Variants in LRRC49 observed in about 807,000 individuals in gnomAD.
The protein encoded by LRRC49 is leucine-rich repeat-containing protein 49.
A neutral mutation model predicts 83.3 loss-of-function variants in LRRC49; 50 were observed. The ratio of observed to expected loss-of-function variants is 0.60; its 90% confidence interval spans 0.48 to 0.76. The LOEUF (loss-of-function observed/expected upper bound fraction) is 0.76, where lower values mean the gene tolerates loss of function less well. LRRC49 is among the 30% of genes least tolerant of loss of function. LRRC49 has a pLI of 0.00. For missense variants in LRRC49, 704 were observed against 809.1 expected, an observed-to-expected ratio of 0.87 and a Z score of 1.58; for synonymous variants, 286 against 283.3, an observed-to-expected ratio of 1.01 and a Z score of -0.10.
At chr15:71,011,187 C>T (rs1029303498) in intron 13 of LRRC49, among the ~76,000 whole-genome samples, 25 of 152,002 alleles carry the variant, frequency 1.6e-4, no homozygotes, top group African/African-American at 4.6e-4. Context: ...GTACTTCCCC[C>T]GAGGTGAGGT....
chr15:71,004,979 C>A (rs1250404903), intron 11 of LRRC49, among the ~76,000 whole-genome samples: 2 of 152,058 alleles, frequency 1.3e-5, no homozygotes, highest in Non-Finnish European at 2.9e-5. Flanking sequence ...GTAAAATAAA[C>A]CCCCATGACA....
intron 1 of LRRC49, among the ~76,000 whole-genome samples, chr15:70,867,086 G>C (rs11072232): frequency 0.55 from 81,848 of 149,854 alleles, 23,089 homozygotes; most frequent in Middle Eastern, 0.7. Context: ...GGCTATCAAG[G>C]TCCAAGCAGA....
intron 2 of LRRC49, among the ~76,000 whole-genome samples, chr15:70,875,955 T>C (rs1368707156): frequency 6.6e-6 from 1 of 151,150 alleles, no homozygotes; most frequent in Non-Finnish European, 1.5e-5. Flanking sequence ...TTCTTTTTTC[T>C]TTTTTTTTAG....
At chr15:70,942,902 G>A (rs373102777) in intron 8 of LRRC49, among the ~76,000 whole-genome samples, 1 of 152,134 alleles carries the variant, frequency 6.6e-6, no homozygotes, top group Non-Finnish European at 1.5e-5. Flanking sequence ...AAATATCTAC[G>A]TGATTGTATA....
intron 3 of LRRC49, among the ~76,000 whole-genome samples, chr15:70,896,418 C>G (rs1223931548): frequency 1.3e-5 from 2 of 152,126 alleles, no homozygotes; most frequent in Non-Finnish European, 2.9e-5. Flanking sequence ...ATTCTTAGTG[C>G]TCCCCCTCCA....
chr15:71,010,518 GA>G (rs1312568629), intron 13 of LRRC49, among the ~76,000 whole-genome samples: 3 of 151,822 alleles, frequency 2.0e-5, no homozygotes, highest in African/African-American at 7.2e-5. Context: ...TAAAATAAGA[GA>G]AAGTGAAAAT....
At chr15:70,978,382 A>G (rs1223666696) in intron 9 of LRRC49, among the ~76,000 whole-genome samples, 1 of 152,172 alleles carries the variant, frequency 6.6e-6, no homozygotes, top group Non-Finnish European at 1.5e-5. Flanking sequence ...TGTATCATAC[A>G]TTGTCTTTGA....
At chr15:70,885,117 C>T (rs1045344229) in intron 2 of LRRC49, among the ~76,000 whole-genome samples, 9 of 148,232 alleles carry the variant, frequency 6.1e-5, no homozygotes, top group Middle Eastern at 3.4e-3. Flanking sequence ...TGTAGATATC[C>T]GATTGCTTCT....
chr15:70,959,535 AGG>A (rs2036524187), intron 8 of LRRC49, among the ~76,000 whole-genome samples: 1 of 119,434 alleles, frequency 8.4e-6, no homozygotes, highest in African/African-American at 3.1e-5. Context: ...GGAGGAAAGG[AGG>A]GAAGGAAGGA....
intron 8 of LRRC49, among the ~76,000 whole-genome samples, chr15:70,938,153 G>C (rs1440794992): frequency 2.0e-5 from 3 of 151,922 alleles, no homozygotes; most frequent in African/African-American, 4.8e-5. Context: ...GGTTATATAG[G>C]GGTTATGATG....
At chr15:71,002,483 G>A (rs1251669870) in intron 11 of LRRC49, among the ~76,000 whole-genome samples, 1 of 151,794 alleles carries the variant, frequency 6.6e-6, no homozygotes, top group African/African-American at 2.4e-5. Context: ...TCTTTTCTCT[G>A]GCAGAAATTG....
Position 70,892,830 on chromosome 15 carries a change from T to A in LRRC49, c.-65T>A. ...GGGAGATGACCTCTTTCGGGTCTCT[T>A]TGAATCTCCGCTGTAGCGTCACCTG... On this transcript the variant is annotated 5_prime_UTR_variant, in exon 1 of 16. In the 5' UTR this introduces an upstream ATG that the reference lacks. Coordinates refer to ENST00000260382, the MANE Select transcript of LRRC49 (RefSeq NM_017691.5). The A allele has an allele frequency of 6.2e-7, 1 of 1,614,104 alleles. No homozygotes were observed. The highest frequency in any genetic ancestry group is 1.7e-5 in the Admixed American group (1 of 60,018).
At chr15:70,856,112 C>T (rs537893544) in intron 1 of LRRC49, among the ~76,000 whole-genome samples, 89 of 152,248 alleles carry the variant, frequency 5.8e-4, no homozygotes, top group Non-Finnish European at 1.2e-3. Flanking sequence ...CATGTCTTTT[C>T]AGGGTTTCCA....
chr15:71,014,789 G>A (rs1460680162), intron 14 of LRRC49, among the ~76,000 whole-genome samples: 1 of 152,088 alleles, frequency 6.6e-6, no homozygotes, highest in Non-Finnish European at 1.5e-5. Flanking sequence ...TATTATAATA[G>A]TCATTAATAT....
At chr15:71,047,451 G>A (rs900123329) in intron 15 of LRRC49, among the ~76,000 whole-genome samples, 10 of 152,144 alleles carry the variant, frequency 6.6e-5, no homozygotes, top group African/African-American at 2.4e-4. Context: ...GCTATTGTAA[G>A]TGGGATTGTG....
chr15:70,879,847 A>G lies in LRRC49; in HGVS notation c.18+6624A>G, dbSNP rs148479573. On this transcript the variant is annotated intron_variant, in intron 2 of 16. Transcript: ENST00000544974. ...TCTCTCTTCTCTCACCTAAAGTCCA[A>G]TGATTTTTTAAACTTACTTTTCCAA... is the stretch of plus-strand genomic sequence containing the variant. Among the ~76,000 whole-genome samples the G allele has an allele frequency of 3.8e-4, 58 of 152,312 alleles. 1 individual carries two copies. Among genetic ancestry groups the G allele is most frequent in the African/African-American group, 1.0e-3 (43 of 41,570 alleles).
In LRRC49 at chr15:70,905,394, A is replaced by T. The variant is rs916966071; in HGVS notation, c.500+639A>T. On this transcript the variant is annotated intron_variant, in intron 5 of 15. Coordinates refer to ENST00000260382, the MANE Select transcript of LRRC49 (RefSeq NM_017691.5). ...TTTTATATTATCAAATGAAGACTTTAGATATATATTATAACCAGGCTAGGT... is the reference window on the plus strand; with the variant it reads ...TTTTATATTATCAAATGAAGACTTTTGATATATATTATAACCAGGCTAGGT... Among the ~76,000 whole-genome samples the T allele has an allele frequency of 1.3e-5, 2 of 152,168 alleles. 1 individual carries two copies. The highest frequency in any genetic ancestry group is 4.8e-5 in the African/African-American group (2 of 41,454).
chr15:70,935,596 G>A (rs997947901), intron 7 of LRRC49, among the ~76,000 whole-genome samples: 1 of 152,062 alleles, frequency 6.6e-6, no homozygotes, highest in Admixed American at 6.6e-5. Flanking sequence ...GATGATTTAT[G>A]GAAACAGTAA....
chr15:70,910,947 T>C (rs891427754), intron 5 of LRRC49, among the ~76,000 whole-genome samples: 15 of 152,182 alleles, frequency 9.9e-5, no homozygotes, highest in African/African-American at 3.6e-4. Flanking sequence ...GAAAGAGTAA[T>C]GGGGACAGGA....
Sources: gnomAD v4.1 joint callset for allele counts (sites outside exome capture counted in the v4.1 genomes callset) on GRCh38, gnomAD v4.1.1 for gene constraint, MANE v1.5 for transcripts, NCBI Gene and HGNC (gene_info 2026-07-23, HGNC 2026-07-21) for gene names.